IKZF2: variants seen among roughly 807,000 people sequenced by gnomAD.
IKZF2 encodes the protein IKAROS family zinc finger 2.
IKZF2 carries 15 observed loss-of-function variants against 49.2 expected under a neutral mutation model. The ratio of observed to expected loss-of-function variants is 0.30; its 90% confidence interval spans 0.20 to 0.47. The LOEUF is 0.47. Ranked by LOEUF, IKZF2 falls within the 20% of genes least tolerant of loss-of-function variation. The probability of loss-of-function intolerance (pLI) is 1.00; values close to 1 mark genes in which losing one functional copy is unlikely to be tolerated. For synonymous variants in IKZF2, 227 were observed against 221.4 expected (o/e 1.03, Z -0.23); for missense variants, 567 against 664.6 (o/e 0.85, Z 1.61).
At chr2:213,104,616 C>T (rs972550225) in intron 4 of IKZF2, among the ~76,000 whole-genome samples, 2 of 152,034 alleles carry the variant, frequency 1.3e-5, no homozygotes, top group Admixed American at 6.6e-5. Context: ...ACGCAGAGTA[C>T]GAGGCACTAT....
chr2:213,016,956 GT>G (rs1696677273), intron 7 of IKZF2: 1 of 152,092 alleles, frequency 6.6e-6, no homozygotes, highest in Admixed American at 6.6e-5. Context: ...GGGCACTCTT[GT>G]TATCAAGAGA....
chr2:213,082,021 A>G (rs1574770819), intron 4 of IKZF2, among the ~76,000 whole-genome samples: 1 of 152,344 alleles, frequency 6.6e-6, no homozygotes, highest in East Asian at 1.9e-4. Flanking sequence ...AGACCTAAAG[A>G]AAGGTCTCTG....
intron 4 of IKZF2, among the ~76,000 whole-genome samples, chr2:213,079,949 C>T (rs1316344579): frequency 6.6e-6 from 1 of 152,126 alleles, no homozygotes; most frequent in Non-Finnish European, 1.5e-5. Context: ...CACCTGGAAC[C>T]CTGCCAAAAG....
intron 6 of IKZF2, among the ~76,000 whole-genome samples, chr2:213,038,254 T>C (rs957841027): frequency 2.6e-5 from 4 of 152,144 alleles, no homozygotes; most frequent in African/African-American, 9.6e-5. Context: ...AGAGACGGGG[T>C]TTCACCGTGT....
At chr2:213,013,657 A>C in intron 8 of IKZF2, 134 bp downstream of exon 8, 1 of 769,486 alleles carries the variant, frequency 1.3e-6, no homozygotes, top group Admixed American at 2.6e-5. Flanking sequence ...GAGAGTAAAA[A>C]AGAATAATGA....
At chr2:213,043,509 A>T (rs1423755818) in intron 6 of IKZF2, among the ~76,000 whole-genome samples, 6 of 152,230 alleles carry the variant, frequency 3.9e-5, no homozygotes, top group African/African-American at 1.4e-4. Flanking sequence ...AAAAACAGAG[A>T]TTAAATTTAA....
At chr2:213,020,785 A>G (rs1697124512) in intron 7 of IKZF2, among the ~76,000 whole-genome samples, 1 of 152,190 alleles carries the variant, frequency 6.6e-6, no homozygotes, top group Non-Finnish European at 1.5e-5. Context: ...ACTCTATAAA[A>G]CAAACAGAAA....
chr2:213,063,247 T>C (rs146505686), intron 4 of IKZF2, among the ~76,000 whole-genome samples: 139 of 152,082 alleles, frequency 9.1e-4, no homozygotes, highest in African/African-American at 3.3e-3. Context: ...CTCTGTTCAA[T>C]ATAGCTATAT....
chr2:213,103,591 T>A (rs10932464), intron 4 of IKZF2, among the ~76,000 whole-genome samples: 53,572 of 151,974 alleles, frequency 0.35, 11,838 homozygotes, highest in East Asian at 0.72. Context: ...TATTTCTACG[T>A]TAATTCTCTG....
intron 6 of IKZF2, among the ~76,000 whole-genome samples, chr2:213,042,542 G>T (rs189439641): frequency 6.6e-6 from 1 of 152,074 alleles, no homozygotes; most frequent in East Asian, 1.9e-4. Context: ...TATTTCCAAC[G>T]AAATAATTAC....
At chr2:213,042,951 A>C (rs758734884) in intron 6 of IKZF2, among the ~76,000 whole-genome samples, 11 of 152,118 alleles carry the variant, frequency 7.2e-5, no homozygotes, top group Admixed American at 3.9e-4. Context: ...ATTAATCTAC[A>C]ATCTCTTTTT....
chr2:213,117,655 T>G (rs1452297946), intron 4 of IKZF2, among the ~76,000 whole-genome samples: 1 of 152,230 alleles, frequency 6.6e-6, no homozygotes, highest in Non-Finnish European at 1.5e-5. Context: ...TCACTGCAAC[T>G]GCATTTATTG....
chr2:213,132,963 C>T (rs2060521283), intron 4 of IKZF2, among the ~76,000 whole-genome samples: 1 of 152,172 alleles, frequency 6.6e-6, no homozygotes, highest in African/African-American at 2.4e-5. Context: ...AGTCTGTCTA[C>T]CTGACAGCAC....
intron 4 of IKZF2, 62 bp downstream of exon 4, chr2:213,147,646 A>C: frequency 8.0e-7 from 1 of 1,243,366 alleles, no homozygotes; most frequent in Non-Finnish European, 1.2e-6. Context: ...GACCTAACAA[A>C]TTAAAGTCTG....
chr2:213,143,271 G>A (rs1261030652), intron 4 of IKZF2, among the ~76,000 whole-genome samples: 1 of 151,912 alleles, frequency 6.6e-6, no homozygotes, highest in Non-Finnish European at 1.5e-5. Context: ...TAGTGGGAAA[G>A]ACAGATTTTG....
chr2:213,012,493 T>G (rs768119782), intron 8 of IKZF2, among the ~76,000 whole-genome samples: 6 of 152,028 alleles, frequency 3.9e-5, no homozygotes, highest in Non-Finnish European at 8.8e-5. Flanking sequence ...ATAAGTAAAC[T>G]GGCTCTTTAT....
intron 4 of IKZF2, among the ~76,000 whole-genome samples, chr2:213,122,353 A>G (rs2060087431): frequency 6.6e-6 from 1 of 152,238 alleles, no homozygotes; most frequent in Non-Finnish European, 1.5e-5. Context: ...ACTATCTGAC[A>G]GTATTTCCTA....
chr2:213,049,278 A>G (rs1009547001), intron 6 of IKZF2, among the ~76,000 whole-genome samples: 4 of 152,068 alleles, frequency 2.6e-5, no homozygotes, highest in Non-Finnish European at 5.9e-5. Context: ...TAAAAGAAAC[A>G]ATTTTATTTT....
chr2:213,139,948 C>G (rs1055557782), intron 4 of IKZF2, among the ~76,000 whole-genome samples: 1 of 151,930 alleles, frequency 6.6e-6, no homozygotes, highest in Admixed American at 6.6e-5. Flanking sequence ...AGCAGTATTA[C>G]GATCTCACAC....
Sources: allele counts gnomAD v4.1 joint callset (sites outside exome capture counted in the v4.1 genomes callset), GRCh38; gene constraint gnomAD v4.1.1; transcripts MANE v1.5; gene names NCBI Gene and HGNC (gene_info 2026-07-23, HGNC 2026-07-21).